Variants in LPP observed in about 807,000 individuals in gnomAD.
LPP encodes lipoma-preferred partner.
In LPP, 38 loss-of-function variants were observed where a neutral mutation model predicts 60.4. The observed-to-expected ratio is 0.63, with a 90% CI of 0.49 to 0.83. LPP has a LOEUF of 0.83. Ranked by LOEUF, LPP falls within the 40% of genes least tolerant of loss-of-function variation. The probability of loss-of-function intolerance (pLI) is 0.00; values close to 1 mark genes in which losing one functional copy is unlikely to be tolerated. For synonymous variants in LPP, 328 were observed against 290.8 expected (o/e 1.13, Z -1.30); for missense variants, 902 against 783.6 (o/e 1.15, Z -1.80).
intron 1 of LPP, among the ~76,000 whole-genome samples, chr3:188,163,619 G>T (rs1224261057): frequency 6.6e-5 from 10 of 152,056 alleles, no homozygotes; most frequent in African/African-American, 2.2e-4. Context: ...CACTGTTTTT[G>T]TTAGAGGGGG....
intron 9 of LPP, among the ~76,000 whole-genome samples, chr3:188,795,071 G>A (rs909228714): frequency 6.6e-6 from 1 of 152,176 alleles, no homozygotes; most frequent in African/African-American, 2.4e-5. Context: ...GGAGGTGGAG[G>A]TTGCAGTGAG....
chr3:188,537,424 A>G (rs1230137116), intron 6 of LPP, among the ~76,000 whole-genome samples: 1 of 152,220 alleles, frequency 6.6e-6, no homozygotes, highest in African/African-American at 2.4e-5. Context: ...ACTAATTAAC[A>G]GTGGCTTTCT....
intron 2 of LPP, among the ~76,000 whole-genome samples, chr3:188,228,704 G>A (rs935798201): frequency 5.3e-5 from 8 of 152,298 alleles, no homozygotes; most frequent in African/African-American, 1.9e-4. Context: ...AAGGCAGTGA[G>A]TATGGTGGGA....
chr3:188,318,001 G>T (rs2150346399), intron 2 of LPP, among the ~76,000 whole-genome samples: 1 of 152,256 alleles, frequency 6.6e-6, no homozygotes, highest in African/African-American at 2.4e-5. Context: ...GGGAGGACAG[G>T]CAGACACAAA....
intron 2 of LPP, among the ~76,000 whole-genome samples, chr3:188,228,571 G>T (rs1718677208): frequency 6.6e-6 from 1 of 152,168 alleles, no homozygotes; most frequent in African/African-American, 2.4e-5. Flanking sequence ...ATCGATTGAG[G>T]CCAGGATTTT....
At chr3:188,536,621 T>C (rs1823709758) in intron 6 of LPP, among the ~76,000 whole-genome samples, 2 of 152,220 alleles carry the variant, frequency 1.3e-5, no homozygotes, top group Admixed American at 1.3e-4. Flanking sequence ...AATGGATTCT[T>C]TGCTTATATT....
chr3:188,829,030 C>A (rs567434068), intron 9 of LPP, among the ~76,000 whole-genome samples: 7 of 151,870 alleles, frequency 4.6e-5, no homozygotes, highest in African/African-American at 1.7e-4. Flanking sequence ...CGGCAAAGAC[C>A]ACCTCTCATT....
chr3:188,529,000 T>A (rs1202401990), intron 6 of LPP, among the ~76,000 whole-genome samples: 1 of 152,230 alleles, frequency 6.6e-6, no homozygotes, highest in Non-Finnish European at 1.5e-5. Context: ...ACACTTTCGA[T>A]GTGCCTGTTC....
rs1442616300 is a variant in LPP at position 188,881,597 on chromosome 3, A to G, written c.*7118A>G. On this transcript the variant is annotated 3_prime_UTR_variant, in exon 12 of 12. Transcript: ENST00000617246. ...AAAGCTACAGAAGGATAGAACTCCC[A>G]TGTCTACAGACAGTTCTGTTACTTT... 1 of 218,382 alleles carries G rather than the reference A, an allele frequency of 4.6e-6. No individual in the cohort carries two copies. The highest frequency in any genetic ancestry group is 6.8e-5 in the East Asian group (1 of 14,736). The allele number at this position is 218,382 out of a possible 1,614,324, so 13.5% of individuals were successfully genotyped here. A position where few individuals can be genotyped will look rare whatever the true frequency, so the allele number is the denominator to read the frequency against.
intron 6 of LPP, among the ~76,000 whole-genome samples, chr3:188,547,586 C>T (rs891061923): frequency 6.6e-6 from 1 of 152,174 alleles, no homozygotes; most frequent in African/African-American, 2.4e-5. Context: ...TTGCAATACA[C>T]TGTCTCTTTT....
chr3:188,777,306 T>TA (rs1438805015), intron 9 of LPP, among the ~76,000 whole-genome samples: 1 of 151,898 alleles, frequency 6.6e-6, no homozygotes, highest in Non-Finnish European at 1.5e-5. Context: ...TTTTTTTTTT[T>TA]ACCTCTGCGT....
chr3:188,694,972 A>G (rs1862932011), intron 7 of LPP, among the ~76,000 whole-genome samples: 1 of 152,200 alleles, frequency 6.6e-6, no homozygotes, highest in Non-Finnish European at 1.5e-5. Flanking sequence ...AGACTGAGGC[A>G]CTTTTGTTGC....
intron 7 of LPP, among the ~76,000 whole-genome samples, chr3:188,612,983 A>G (rs1316980158): frequency 6.6e-6 from 1 of 152,176 alleles, no homozygotes; most frequent in African/African-American, 2.4e-5. Context: ...TTAGGGGATC[A>G]TGATTATGTT....
At chr3:188,293,277 G>A (rs1282912711) in intron 2 of LPP, among the ~76,000 whole-genome samples, 1 of 152,212 alleles carries the variant, frequency 6.6e-6, no homozygotes, top group Non-Finnish European at 1.5e-5. Context: ...GATGGTTTTG[G>A]ATGTTGTTCC....
chr3:188,752,417 A>T (rs1728400183), intron 8 of LPP, among the ~76,000 whole-genome samples: 1 of 152,222 alleles, frequency 6.6e-6, no homozygotes, highest in Non-Finnish European at 1.5e-5. Context: ...CAAAGGCAAG[A>T]ATTGCATATC....
chr3:188,387,060 A>G (rs978456152), intron 3 of LPP, among the ~76,000 whole-genome samples: 1 of 152,012 alleles, frequency 6.6e-6, no homozygotes, highest in Non-Finnish European at 1.5e-5. Flanking sequence ...CTTATCGTTG[A>G]GTCTCATTTT....
chr3:188,638,945 G>A (rs1396192944), intron 7 of LPP, among the ~76,000 whole-genome samples: 1 of 152,096 alleles, frequency 6.6e-6, no homozygotes, highest in Non-Finnish European at 1.5e-5. Context: ...ACTGCCCAAG[G>A]TAATTTATAG....
chr3:188,848,465 G>C (rs572095627), intron 9 of LPP, among the ~76,000 whole-genome samples: 1 of 150,886 alleles, frequency 6.6e-6, no homozygotes, highest in East Asian at 1.9e-4. Context: ...TGATGGGCCA[G>C]TCAATAGCAG....
chr3:188,494,756 A>G (rs183461498), intron 5 of LPP, among the ~76,000 whole-genome samples: 1 of 152,124 alleles, frequency 6.6e-6, no homozygotes, highest in Admixed American at 6.5e-5. Flanking sequence ...TCCTGGGTAC[A>G]CATCTGGCTT....
Sources: gnomAD v4.1 joint callset for allele counts (sites outside exome capture counted in the v4.1 genomes callset) on GRCh38, gnomAD v4.1.1 for gene constraint, MANE v1.5 for transcripts, NCBI Gene and HGNC (gene_info 2026-07-23, HGNC 2026-07-21) for gene names.